The following SMYD1 variants were observed in gnomAD, a reference collection of about 807,000 sequenced individuals.
SMYD1 encodes histone-lysine N-methyltransferase SMYD1.
Under a neutral mutation model 54.0 loss-of-function variants are expected in SMYD1, and 49 were observed. The observed-to-expected ratio is 0.91, with a 90% CI of 0.72 to 1.15. The LOEUF (loss-of-function observed/expected upper bound fraction) is 1.15, where lower values mean the gene tolerates loss of function less well. Among genes scored for constraint, SMYD1 ranks in the 50% most tolerant of loss-of-function variants. The pLI is 0.00. For missense variants in SMYD1, 653 were observed against 639.6 expected (o/e 1.02, Z -0.23); for synonymous variants, 269 against 234.2 (o/e 1.15, Z -1.36).
At chr2:88,073,287 G>C (rs954177811) in intron 1 of SMYD1, among the ~76,000 whole-genome samples, 1 of 152,116 alleles carries the variant, frequency 6.6e-6, no homozygotes, top group African/African-American at 2.4e-5. Flanking sequence ...ATATGCACCA[G>C]GTTTTCTTTA....
intron 1 of SMYD1, among the ~76,000 whole-genome samples, chr2:88,070,468 C>A (rs1244759659): frequency 6.6e-6 from 1 of 151,812 alleles, no homozygotes; most frequent in South Asian, 2.1e-4. Flanking sequence ...TATATTCTAA[C>A]ATATATATTA....
At chr2:88,108,677 C>A in intron 9 of SMYD1, 138 bp downstream of exon 9, 1 of 770,168 alleles carries the variant, frequency 1.3e-6, no homozygotes, top group Non-Finnish European at 2.0e-6. Flanking sequence ...AACGCTTTAG[C>A]CCACTACCCT....
intron 1 of SMYD1, among the ~76,000 whole-genome samples, chr2:88,072,619 C>A (rs1314342554): frequency 6.6e-6 from 1 of 152,154 alleles, no homozygotes; most frequent in Admixed American, 6.5e-5. Flanking sequence ...TCTCTGAAAT[C>A]ATAATGTATC....
At chr2:88,079,233 C>T (rs959944663) in intron 1 of SMYD1, among the ~76,000 whole-genome samples, 8 of 152,282 alleles carry the variant, frequency 5.3e-5, no homozygotes, top group South Asian at 2.1e-4. Flanking sequence ...CCAGCCTTCT[C>T]CTGGTCACAG....
At chr2:88,088,143 G>T in intron 3 of SMYD1, 68 bp downstream of exon 3, 1 of 1,464,814 alleles carries the variant, frequency 6.8e-7, no homozygotes, top group East Asian at 2.4e-5. Flanking sequence ...CTCCCACTTG[G>T]GGAGGGTGGG....
chr2:88,101,794 T>C lies in SMYD1; in HGVS notation c.889-1264T>C, dbSNP rs932581200. On this transcript the variant is annotated intron_variant, in intron 6 of 9. Transcript: ENST00000419482. ...CTAATTTTTGTATTTGTAGTAGAGC[T>C]TGGATTTCACCCTATTGTCCAGGTT... Among the ~76,000 whole-genome samples, 28 of 152,098 alleles carry C rather than the reference T, an allele frequency of 1.8e-4. 1 individual carries two copies. Among genetic ancestry groups the C allele is most frequent in the Admixed American group, 1.8e-3 (28 of 15,278 alleles).
rs1003235252 is a variant in SMYD1 at position 88,084,169 on chromosome 2, A to T, written c.138-147A>T. 8.1e-6 allele frequency: 5 copies of T among 621,044 alleles called. No individual in the cohort carries two copies. In the Admixed American group the frequency reaches 9.6e-5, roughly 12 times the overall value. 38.5% of individuals were successfully genotyped at this position (621,044 alleles called of 1,614,324 possible). A position where few individuals can be genotyped will look rare whatever the true frequency, so the allele number is the denominator to read the frequency against. ...CTGGGAAGGGCCTTTGGAGGCTCAA[A>T]CTCCTCATTTTGGAAGGTGGAAATC... On this transcript the variant is annotated intron_variant, in intron 1 of 9. Transcript: ENST00000419482.
rs1558862052 is a variant in SMYD1, at chr2:88,111,936, T to C, written c.*1424T>C. 1.5e-6 allele frequency: 1 copy of C among 646,672 alleles called. No individual in the cohort carries two copies. The highest frequency in any genetic ancestry group is 2.8e-6 in the Non-Finnish European group (1 of 355,756). 40.1% of individuals were successfully genotyped at this position (646,672 alleles called of 1,614,324 possible). On this transcript the variant is annotated 3_prime_UTR_variant, in exon 10 of 10. Coordinates refer to ENST00000419482, the MANE Select transcript of SMYD1 (RefSeq NM_198274.4). Reference sequence around the variant, plus strand: ...AATTGATCCCACCAGGTCCCACGTTTGTTATCTCTGCCTAAATGTTAGCTT... The same window carrying C: ...AATTGATCCCACCAGGTCCCACGTTCGTTATCTCTGCCTAAATGTTAGCTT...
At chr2:88,085,600 A>T (rs538662176) in intron 2 of SMYD1, among the ~76,000 whole-genome samples, 1 of 152,182 alleles carries the variant, frequency 6.6e-6, no homozygotes, top group Non-Finnish European at 1.5e-5. Context: ...CTATTGAAAC[A>T]CTACATATCC....
At chr2:88,102,210 A>G (rs1288954374) in intron 6 of SMYD1, among the ~76,000 whole-genome samples, 1 of 152,204 alleles carries the variant, frequency 6.6e-6, no homozygotes, top group Non-Finnish European at 1.5e-5. Context: ...AATGTTTCAG[A>G]AAAGGACTTC....
chr2:88,096,630 G>C lies in SMYD1; in HGVS notation c.734G>C (p.Gly245Ala). The C allele has an allele frequency of 2.5e-6, 4 of 1,613,780 alleles. No individual in the cohort carries two copies. Among genetic ancestry groups the C allele is most frequent in the South Asian group, 1.1e-5 (1 of 90,994 alleles). ...CGGGCCCTAGGCAAGATCTCAGAAG[G>C]AGAGGAGCTGACTGTGTCCTATATT... The part of the protein sequence containing the change: ...ELRALGKISE[G>A]EELTVSYIDF... The change falls in exon 6 of 10, where the codon GGA (glycine) becomes GCA (alanine). Residue 245 changes from glycine (G) to alanine (A), a missense_variant. Coordinates refer to ENST00000419482, the MANE Select transcript of SMYD1 (RefSeq NM_198274.4).
intron 6 of SMYD1, among the ~76,000 whole-genome samples, chr2:88,102,789 G>A (rs1354836007): frequency 1.3e-5 from 2 of 152,216 alleles, no homozygotes; most frequent in Non-Finnish European, 2.9e-5. Flanking sequence ...CTGCCCTGGG[G>A]TTCAAAGGGC....
chr2:88,089,583 C>CTCTTTTTTTTTTTTTTTTTTTTTTTTT (rs1481581789), intron 3 of SMYD1, among the ~76,000 whole-genome samples: 1 of 114,992 alleles, frequency 8.7e-6, no homozygotes, highest in Non-Finnish European at 1.8e-5. Context: ...GAGCTTCTAC[C>CTCTTTTTTTTTTTTTTTTTTTTTTTTT]TGTTTTTTTT....
chr2:88,077,357 G>A (rs1302831273), intron 1 of SMYD1, among the ~76,000 whole-genome samples: 1 of 152,248 alleles, frequency 6.6e-6, no homozygotes, highest in African/African-American at 2.4e-5. Flanking sequence ...GGGCCTTGTA[G>A]CTGCATCCGC....
chr2:88,087,080 A>T (rs1474228142), intron 2 of SMYD1, among the ~76,000 whole-genome samples: 2 of 12,000 alleles, frequency 1.7e-4, no homozygotes, highest in East Asian at 0.1. Flanking sequence ...TATAGCTTCC[A>T]AAAAAAAAAA....
intron 6 of SMYD1, among the ~76,000 whole-genome samples, chr2:88,099,510 G>A (rs925816465): frequency 2.0e-5 from 3 of 152,028 alleles, no homozygotes; most frequent in African/African-American, 7.2e-5. Context: ...AGATCACGAG[G>A]TCAGGAGTTC....
intron 2 of SMYD1, among the ~76,000 whole-genome samples, chr2:88,087,381 A>G (rs1016628473): frequency 6.6e-6 from 1 of 151,662 alleles, no homozygotes; most frequent in East Asian, 1.9e-4. Context: ...TCCTGCCCAC[A>G]CCTCCACCTT....
chr2:88,079,790 C>T (rs945773071), intron 1 of SMYD1, among the ~76,000 whole-genome samples: 1 of 152,174 alleles, frequency 6.6e-6, no homozygotes, highest in East Asian at 1.9e-4. Flanking sequence ...CATTGCACTC[C>T]AGCCTGGGCT....
chr2:88,096,389 G>A (rs902392967), intron 5 of SMYD1, among the ~76,000 whole-genome samples: 29 of 152,218 alleles, frequency 1.9e-4, no homozygotes, highest in Non-Finnish European at 3.5e-4. Context: ...GAATGGAATG[G>A]ATCAGACGGT....
Sources: gnomAD v4.1 joint callset for allele counts (sites outside exome capture counted in the v4.1 genomes callset) on GRCh38, gnomAD v4.1.1 for gene constraint, MANE v1.5 for transcripts, NCBI Gene and HGNC (gene_info 2026-07-23, HGNC 2026-07-21) for gene names.